The following KCND2 variants were observed in gnomAD, a reference collection of about 807,000 sequenced individuals.
The protein encoded by KCND2 is potassium voltage-gated channel subfamily D member 2, also known as A-type voltage-gated potassium channel KCND2.
KCND2 carries 16 observed loss-of-function variants against 54.4 expected under a neutral mutation model. That is an observed-to-expected ratio of 0.29 (90% CI 0.20 to 0.45). The LOEUF (loss-of-function observed/expected upper bound fraction) is 0.45, where lower values mean the gene tolerates loss of function less well. KCND2 is among the 20% of genes least tolerant of loss of function. The pLI, the probability that KCND2 is intolerant of heterozygous loss-of-function variation, is 1.00. For missense variants in KCND2, 486 were observed against 824.2 expected (o/e 0.59, Z 5.02); for synonymous variants, 317 against 310.7 (o/e 1.02, Z -0.21).
intron 1 of KCND2, among the ~76,000 whole-genome samples, chr7:120,450,528 C>T (rs1470830335): frequency 6.6e-6 from 1 of 152,104 alleles, no homozygotes; most frequent in African/African-American, 2.4e-5. Flanking sequence ...TAAGACCTCA[C>T]AGACAATGGA....
intron 1 of KCND2, among the ~76,000 whole-genome samples, chr7:120,407,668 T>G (rs1025848572): frequency 2.0e-5 from 3 of 151,736 alleles, no homozygotes; most frequent in Non-Finnish European, 4.4e-5. Flanking sequence ...ATGTAATAAC[T>G]TCTATGTAAA....
chr7:120,570,426 A>C (rs1792349867), intron 1 of KCND2, among the ~76,000 whole-genome samples: 1 of 152,114 alleles, frequency 6.6e-6, no homozygotes, highest in South Asian at 2.1e-4. Flanking sequence ...TAAAAAAAAA[A>C]AAAACAGCTT....
At chr7:120,746,794 G>T (rs1047972245) in intron 5 of KCND2, 2 of 152,108 alleles carry the variant, frequency 1.3e-5, no homozygotes, top group Non-Finnish European at 2.9e-5. Context: ...GTTAGAGTGA[G>T]AGTCTGTAAA....
chr7:120,412,924 GCAGATCACTTTACTC>G (rs1801472527), intron 1 of KCND2, among the ~76,000 whole-genome samples: 2 of 151,978 alleles, frequency 1.3e-5, no homozygotes, highest in African/African-American at 4.8e-5. Flanking sequence ...TCCCTTACTG[GCAGATCACTTTACTC>G]CAGATCACTT....
chr7:120,479,868 G>A (rs1241113348), intron 1 of KCND2, among the ~76,000 whole-genome samples: 2 of 146,632 alleles, frequency 1.4e-5, no homozygotes, highest in Non-Finnish European at 3.0e-5. Context: ...ATCGGTGGCT[G>A]AAGCACAAGA....
chr7:120,443,352 A>AAATAAAT (rs1801970119), intron 1 of KCND2, among the ~76,000 whole-genome samples: 1 of 146,594 alleles, frequency 6.8e-6, no homozygotes, highest in Non-Finnish European at 1.5e-5. Flanking sequence ...TAACAATAAT[A>AAATAAAT]AATAATAATA....
intron 1 of KCND2, among the ~76,000 whole-genome samples, chr7:120,719,810 A>G (rs973327033): frequency 1.3e-5 from 2 of 152,162 alleles, no homozygotes; most frequent in Non-Finnish European, 2.9e-5. Context: ...TGCCCTTAAA[A>G]TATGGCTTTA....
intron 1 of KCND2, among the ~76,000 whole-genome samples, chr7:120,363,169 G>C (rs1479156338): frequency 3.9e-5 from 6 of 152,090 alleles, no homozygotes; most frequent in African/African-American, 1.2e-4. Context: ...GGTGGTGCAT[G>C]CCTGTAGTCA....
intron 1 of KCND2, among the ~76,000 whole-genome samples, chr7:120,376,790 T>G (rs1434735637): frequency 6.6e-6 from 1 of 151,840 alleles, no homozygotes; most frequent in African/African-American, 2.4e-5. Flanking sequence ...CATTAAAAAA[T>G]CAGCTATCCT....
chr7:120,565,734 G>A (rs570924963), intron 1 of KCND2, among the ~76,000 whole-genome samples: 2 of 152,304 alleles, frequency 1.3e-5, no homozygotes, highest in South Asian at 2.1e-4. Context: ...TTCTTTGAAA[G>A]ATAGAAGATA....
At chr7:120,537,522 A>C (rs1035251397) in intron 1 of KCND2, among the ~76,000 whole-genome samples, 1 of 152,180 alleles carries the variant, frequency 6.6e-6, no homozygotes, top group Non-Finnish European at 1.5e-5. Flanking sequence ...CTAGACATTG[A>C]CTTCTCCTCT....
At chr7:120,403,260 A>G (rs1563034839) in intron 1 of KCND2, among the ~76,000 whole-genome samples, 1 of 151,982 alleles carries the variant, frequency 6.6e-6, no homozygotes, top group Non-Finnish European at 1.5e-5. Context: ...ATGTCTGAAG[A>G]GATGGCAGCT....
chr7:120,365,310 G>A (rs981832829), intron 1 of KCND2, among the ~76,000 whole-genome samples: 2 of 152,088 alleles, frequency 1.3e-5, no homozygotes, highest in African/African-American at 4.8e-5. Flanking sequence ...CTCCTGAGCC[G>A]AAGTGTCATT....
intron 1 of KCND2, among the ~76,000 whole-genome samples, chr7:120,638,826 G>A (rs1218243090): frequency 6.6e-6 from 1 of 152,078 alleles, no homozygotes. Flanking sequence ...ACTATTAAAA[G>A]TAGTAAAGAT....
At chr7:120,566,566 C>T (rs1792300425) in intron 1 of KCND2, among the ~76,000 whole-genome samples, 1 of 152,092 alleles carries the variant, frequency 6.6e-6, no homozygotes, top group African/African-American at 2.4e-5. Context: ...GGCTGATCTC[C>T]AACCCCTGGG....
intron 1 of KCND2, among the ~76,000 whole-genome samples, chr7:120,428,534 T>C (rs7796685): frequency 0.28 from 41,902 of 152,066 alleles, 8,384 homozygotes; most frequent in East Asian, 0.57. Context: ...GTTTGCTTTT[T>C]TAATAAAGTT....
At chr7:120,576,185 C>G (rs780749992) in intron 1 of KCND2, among the ~76,000 whole-genome samples, 10 of 151,770 alleles carry the variant, frequency 6.6e-5, no homozygotes, top group Non-Finnish European at 1.3e-4. Flanking sequence ...ACATACACAC[C>G]CACACAATAT....
intron 1 of KCND2, among the ~76,000 whole-genome samples, chr7:120,503,298 T>A (rs1802963724): frequency 6.6e-6 from 1 of 151,994 alleles, no homozygotes. Flanking sequence ...CATTAAATGC[T>A]ATGGTTAAGA....
At chr7:120,722,356 G>A (rs1035932534) in intron 1 of KCND2, among the ~76,000 whole-genome samples, 10 of 152,094 alleles carry the variant, frequency 6.6e-5, no homozygotes, top group African/African-American at 2.4e-4. Flanking sequence ...CAAGTATTTG[G>A]GAACAGGAGT....
Sources: allele counts gnomAD v4.1 joint callset (sites outside exome capture counted in the v4.1 genomes callset), GRCh38; gene constraint gnomAD v4.1.1; transcripts MANE v1.5; gene names NCBI Gene and HGNC (gene_info 2026-07-23, HGNC 2026-07-21).